BACH2: variants seen among roughly 807,000 people sequenced by gnomAD.
BACH2 encodes transcription regulator protein BACH2.
In BACH2, 5 loss-of-function variants were observed where a neutral mutation model predicts 61.8. The observed-to-expected ratio is 0.08, with a 90% CI of 0.04 to 0.17. The LOEUF is 0.17. BACH2 is among the 10% of genes least tolerant of loss of function. The pLI is 1.00. For synonymous variants in BACH2, 446 were observed against 440.1 expected, an observed-to-expected ratio of 1.01 and a Z score of -0.17; for missense variants, 824 against 1,091.1, an observed-to-expected ratio of 0.76 and a Z score of 3.45.
intron 7 of BACH2, among the ~76,000 whole-genome samples, chr6:89,946,865 T>C (rs1173743013): frequency 6.6e-6 from 1 of 152,102 alleles, no homozygotes; most frequent in Non-Finnish European, 1.5e-5. Flanking sequence ...TGATTATTGA[T>C]AAAGGATAAT....
intron 5 of BACH2, among the ~76,000 whole-genome samples, chr6:90,064,082 GA>G (rs1780822660): frequency 6.6e-6 from 1 of 152,152 alleles, no homozygotes; most frequent in Non-Finnish European, 1.5e-5. Flanking sequence ...AAGGCATTCA[GA>G]AGAAAATGAA....
At chr6:90,031,246 C>G (rs1251290302) in intron 5 of BACH2, among the ~76,000 whole-genome samples, 2 of 152,058 alleles carry the variant, frequency 1.3e-5, no homozygotes, top group Admixed American at 6.5e-5. Flanking sequence ...CAGCCAATAT[C>G]ATACTGAATG....
intron 5 of BACH2, among the ~76,000 whole-genome samples, chr6:90,056,165 A>T (rs1780336318): frequency 6.6e-6 from 1 of 152,234 alleles, no homozygotes; most frequent in African/African-American, 2.4e-5. Flanking sequence ...CAATTAAAAG[A>T]CACAGACTGG....
intron 6 of BACH2, among the ~76,000 whole-genome samples, chr6:89,958,211 G>A (rs1774530203): frequency 1.3e-5 from 2 of 152,082 alleles, no homozygotes; most frequent in Admixed American, 6.6e-5. Context: ...GAACTCCTGG[G>A]CTCAAGCCAT....
At chr6:90,034,800 A>G (rs1016942577) in intron 5 of BACH2, among the ~76,000 whole-genome samples, 3 of 152,166 alleles carry the variant, frequency 2.0e-5, no homozygotes, top group African/African-American at 7.2e-5. Context: ...ACCAAATCAG[A>G]TGGCTTGCCC....
chr6:89,943,003 G>A (rs1362777661), intron 7 of BACH2, among the ~76,000 whole-genome samples: 1 of 152,064 alleles, frequency 6.6e-6, no homozygotes, highest in Non-Finnish European at 1.5e-5. Flanking sequence ...TTAAAGACAG[G>A]GTCTCGCTCT....
intron 5 of BACH2, among the ~76,000 whole-genome samples, chr6:90,038,121 C>T (rs1779352425): frequency 6.6e-6 from 1 of 152,096 alleles, no homozygotes; most frequent in Non-Finnish European, 1.5e-5. Flanking sequence ...GTTATGGAAG[C>T]CTTAGGAAAC....
chr6:90,030,162 C>A (rs1184489025), intron 5 of BACH2, among the ~76,000 whole-genome samples: 1 of 152,162 alleles, frequency 6.6e-6, no homozygotes, highest in African/African-American at 2.4e-5. Flanking sequence ...TCTGATCCCA[C>A]CCCCTTATGT....
At chr6:90,021,080 T>C (rs1184817221) in intron 5 of BACH2, among the ~76,000 whole-genome samples, 1 of 152,120 alleles carries the variant, frequency 6.6e-6, no homozygotes. Context: ...CATCTCATCA[T>C]ATGGTTCAGC....
chr6:90,021,878 C>T (rs1297678508), intron 5 of BACH2, among the ~76,000 whole-genome samples: 2 of 152,188 alleles, frequency 1.3e-5, no homozygotes, highest in African/African-American at 2.4e-5. Flanking sequence ...GCAGCTAAAA[C>T]GTTTTGTGTT....
At chr6:90,134,549 T>C (rs1784210076) in intron 4 of BACH2, among the ~76,000 whole-genome samples, 1 of 152,088 alleles carries the variant, frequency 6.6e-6, no homozygotes, top group Admixed American at 6.6e-5. Context: ...ATAGTTCAGG[T>C]GGTCAGGGGC....
At chr6:90,014,440 G>GTGTATATATA (rs1330299169) in intron 5 of BACH2, among the ~76,000 whole-genome samples, 1 of 48,040 alleles carries the variant, frequency 2.1e-5, no homozygotes, top group African/African-American at 1.1e-4. Context: ...GTGTGTGTGT[G>GTGTATATATA]TATATATATA....
At chr6:90,169,576 G>A (rs761161822) in intron 4 of BACH2, among the ~76,000 whole-genome samples, 3 of 152,262 alleles carry the variant, frequency 2.0e-5, no homozygotes, top group Admixed American at 6.5e-5. Context: ...AATAGAGCAT[G>A]GTCATGCCCT....
intron 4 of BACH2, among the ~76,000 whole-genome samples, chr6:90,202,647 T>C (rs1462566862): frequency 6.6e-6 from 1 of 152,178 alleles, no homozygotes; most frequent in Non-Finnish European, 1.5e-5. Context: ...TTTTGTATAA[T>C]AATGGAAAAA....
At chr6:90,159,174 G>T (rs1219754807) in intron 4 of BACH2, among the ~76,000 whole-genome samples, 5 of 152,164 alleles carry the variant, frequency 3.3e-5, no homozygotes, top group Non-Finnish European at 5.9e-5. Context: ...CAGCAGAATC[G>T]TTTCCCTACT....
At chr6:90,132,373 G>A (rs889104938) in intron 4 of BACH2, among the ~76,000 whole-genome samples, 4 of 152,102 alleles carry the variant, frequency 2.6e-5, no homozygotes, top group Non-Finnish European at 4.4e-5. Context: ...GAACCAGCCT[G>A]GGTTACATAC....
At chr6:90,034,418 A>G (rs1280336944) in intron 5 of BACH2, among the ~76,000 whole-genome samples, 1 of 152,174 alleles carries the variant, frequency 6.6e-6, no homozygotes, top group Non-Finnish European at 1.5e-5. Context: ...TAATGAACTC[A>G]GCACACTGTA....
chr6:89,991,478 T>G lies in BACH2; in HGVS notation c.243+17124A>C, dbSNP rs535267804. Among the ~76,000 whole-genome samples, 12 of 151,916 alleles carry G rather than the reference T, an allele frequency of 7.9e-5. No individual in the cohort carries two copies. In the East Asian group the frequency reaches 2.4e-3, roughly 31 times the overall value. ...CTGTTCACGTAAGCGTGCACGCGCA[T>G]GCACACACACACACACACATGCATA... On this transcript the variant is annotated intron_variant, in intron 6 of 8. Coordinates refer to ENST00000257749, the MANE Select transcript of BACH2 (RefSeq NM_021813.4).
At chr6:90,256,752 GTTT>G (rs1770993175) in intron 2 of BACH2, among the ~76,000 whole-genome samples, 1 of 151,980 alleles carries the variant, frequency 6.6e-6, no homozygotes, top group African/African-American at 2.4e-5. Context: ...CCCTATTTTT[GTTT>G]TTATGTTAAG....
Sources: allele counts gnomAD v4.1 joint callset (sites outside exome capture counted in the v4.1 genomes callset), GRCh38; gene constraint gnomAD v4.1.1; transcripts MANE v1.5; gene names NCBI Gene and HGNC (gene_info 2026-07-23, HGNC 2026-07-21).